VPS35L: variants seen among roughly 807,000 people sequenced by gnomAD.
The protein encoded by VPS35L is VPS35 endosomal protein sorting factor like, also known as VPS35 endosomal protein-sorting factor-like.
A neutral mutation model predicts 133.0 loss-of-function variants in VPS35L; 83 were observed. That is an observed-to-expected ratio of 0.62 (90% CI 0.52 to 0.75). VPS35L has a LOEUF of 0.75. Ranked by LOEUF, VPS35L falls within the 30% of genes least tolerant of loss-of-function variation. The pLI, the probability that VPS35L is intolerant of heterozygous loss-of-function variation, is 0.00. For synonymous variants in VPS35L, 423 were observed against 449.9 expected, an observed-to-expected ratio of 0.94 and a Z score of 0.76; for missense variants, 1,083 against 1,206.8, an observed-to-expected ratio of 0.90 and a Z score of 1.52.
chr16:19,616,919 T>A, intron 14 of VPS35L, 111 bp downstream of exon 14: 1 of 1,482,944 alleles, frequency 6.7e-7, no homozygotes, highest in Non-Finnish European at 9.3e-7. Flanking sequence ...ATAGCAATGT[T>A]AGTGCTAGCC....
intron 1 of VPS35L, 113 bp downstream of exon 1, chr16:19,555,859 G>C: frequency 7.1e-7 from 1 of 1,410,290 alleles, no homozygotes. Context: ...TGGTCGACCG[G>C]CCACCCCCAA....
rs544047399 is a variant in VPS35L, at chr16:19,663,412, A to G, written c.2222-5748A>G. On this transcript the variant is annotated intron_variant, in intron 26 of 30. Coordinates refer to ENST00000417362, the MANE Select transcript of VPS35L (RefSeq NM_020314.7). ...TATTACACCTAATAGTTTGGCATTT[A>G]TCTTGCCTGACCTTTCTATGCATCT... Among the ~76,000 whole-genome samples the G allele has an allele frequency of 5.3e-5, 8 of 152,282 alleles. No homozygotes were observed. The South Asian group carries it at 1.2e-3, about 24-fold the overall frequency.
chr16:19,559,724 T>C (rs955038792), intron 1 of VPS35L, among the ~76,000 whole-genome samples: 6 of 152,182 alleles, frequency 3.9e-5, no homozygotes, highest in African/African-American at 1.2e-4. Flanking sequence ...GTATTTTTTT[T>C]TTTGAGATGC....
chr16:19,570,623 A>G (rs969794951), intron 3 of VPS35L, among the ~76,000 whole-genome samples: 17 of 151,626 alleles, frequency 1.1e-4, no homozygotes, highest in African/African-American at 3.9e-4. Flanking sequence ...ATATATAAAT[A>G]ATTACAGCAT....
At chr16:19,588,158 A>AATAT (rs112439683) in intron 7 of VPS35L, among the ~76,000 whole-genome samples, 1 of 147,462 alleles carries the variant, frequency 6.8e-6, no homozygotes, top group African/African-American at 2.5e-5. Context: ...GGGTAATATA[A>AATAT]GTATGTATGT....
At chr16:19,640,419 C>G (rs1973752482) in intron 21 of VPS35L, among the ~76,000 whole-genome samples, 1 of 152,206 alleles carries the variant, frequency 6.6e-6, no homozygotes, top group African/African-American at 2.4e-5. Context: ...TAATCATGTG[C>G]CTGGCCAGCA....
chr16:19,555,843 T>C, intron 1 of VPS35L, 97 bp downstream of exon 1: 2 of 1,480,870 alleles, frequency 1.4e-6, no homozygotes, highest in South Asian at 2.8e-5. Context: ...CTCTGTCGGG[T>C]TCTGGTGGTC....
At chr16:19,676,401 G>GT (rs1310394032) in intron 27 of VPS35L, among the ~76,000 whole-genome samples, 1 of 152,214 alleles carries the variant, frequency 6.6e-6, no homozygotes, top group East Asian at 1.9e-4. Context: ...TTTGGAGCAT[G>GT]TTGAAATGTT....
intron 28 of VPS35L, among the ~76,000 whole-genome samples, chr16:19,690,951 G>T (rs1295814465): frequency 6.8e-6 from 1 of 147,622 alleles, no homozygotes; most frequent in African/African-American, 2.5e-5. Context: ...GACAGAGAGA[G>T]ACTCCGTCTC....
chr16:19,683,890 A>G (rs1399124175), intron 28 of VPS35L, among the ~76,000 whole-genome samples: 1 of 152,248 alleles, frequency 6.6e-6, no homozygotes, highest in African/African-American at 2.4e-5. Context: ...TGCTTTCCAC[A>G]GTGGCTGAAC....
At chr16:19,695,007 GAAA>G (rs556649295) in intron 29 of VPS35L, among the ~76,000 whole-genome samples, 2 of 130,366 alleles carry the variant, frequency 1.5e-5, no homozygotes, top group African/African-American at 5.7e-5. Context: ...CTCTGTTTCA[GAAA>G]AAAAAAAAAA....
intron 16 of VPS35L, 106 bp downstream of exon 16, chr16:19,627,911 C>G: frequency 1.2e-6 from 1 of 850,854 alleles, no homozygotes; most frequent in Non-Finnish European, 1.9e-6. Context: ...AGCAGGAACA[C>G]AGGCGAAGGC....
At chr16:19,628,366 C>T (rs1211772120) in intron 16 of VPS35L, among the ~76,000 whole-genome samples, 7 of 152,082 alleles carry the variant, frequency 4.6e-5, no homozygotes, top group African/African-American at 1.7e-4. Flanking sequence ...TCAAAACAAA[C>T]AAAAGGATAT....
At position 19,682,239 on chromosome 16, in the gene VPS35L, T is replaced by C. The variant is rs1567484112; in HGVS notation, c.2376T>C (p.His792=). ...TTCTCTGCTAGGATCATCCTGAACA[T>C]GGGGTCCTGTTTCTTGTTCGAGAGC... ...TLLIVPDHPE[H]GVLFLVRELL... is the part of the protein sequence containing the mutation. Residue 792 remains histidine (H), a synonymous_variant, in exon 28 of 31, where the codon CAT becomes CAC. Transcript: ENST00000417362. 1 of 1,614,124 alleles carries C rather than the reference T, an allele frequency of 6.2e-7. No individual in the cohort carries two copies. The highest frequency in any genetic ancestry group is 2.2e-5 in the East Asian group (1 of 44,866).
intron 25 of VPS35L, 24 bp downstream of exon 25, chr16:19,650,483 T>C: frequency 6.3e-7 from 1 of 1,587,364 alleles, no homozygotes; most frequent in Non-Finnish European, 8.7e-7. Flanking sequence ...ATAAGGACTG[T>C]TGGACCTCGA....
chr16:19,683,795 A>C (rs1975367451), intron 28 of VPS35L, among the ~76,000 whole-genome samples: 1 of 152,084 alleles, frequency 6.6e-6, no homozygotes, highest in South Asian at 2.1e-4. Context: ...AGAACGATTT[A>C]TTTTCCTTTG....
intron 29 of VPS35L, among the ~76,000 whole-genome samples, chr16:19,691,785 A>G (rs577523745): frequency 6.6e-6 from 1 of 150,724 alleles, no homozygotes; most frequent in East Asian, 1.9e-4. Flanking sequence ...TTGTCCCTGT[A>G]GCGCCTGTTC....
At chr16:19,602,689 G>A (rs1274916379) in intron 9 of VPS35L, among the ~76,000 whole-genome samples, 1 of 151,968 alleles carries the variant, frequency 6.6e-6, no homozygotes, top group Admixed American at 6.6e-5. Flanking sequence ...TGCAGCCTTC[G>A]CCTCCCGGAT....
At chr16:19,684,702 TG>T (rs1396971902) in intron 28 of VPS35L, among the ~76,000 whole-genome samples, 1 of 152,230 alleles carries the variant, frequency 6.6e-6, no homozygotes. Flanking sequence ...TAGTTAGTGA[TG>T]GAAGTGAAAC....
Sources: gnomAD v4.1 joint callset for allele counts (sites outside exome capture counted in the v4.1 genomes callset) on GRCh38, gnomAD v4.1.1 for gene constraint, MANE v1.5 for transcripts, NCBI Gene and HGNC (gene_info 2026-07-23, HGNC 2026-07-21) for gene names.